EDAR: variants seen among roughly 807,000 people sequenced by gnomAD.
EDAR encodes the protein ectodysplasin A receptor, also known as tumor necrosis factor receptor superfamily member EDAR.
In EDAR, 38 loss-of-function variants were observed where a neutral mutation model predicts 51.3. The ratio of observed to expected loss-of-function variants is 0.74; its 90% CI spans 0.57 to 0.97. The LOEUF is 0.97. EDAR is among the 50% of genes least tolerant of loss of function. The pLI is 0.00. For missense variants in EDAR, 528 were observed against 595.0 expected, an observed-to-expected ratio of 0.89 and a Z score of 1.17; for synonymous variants, 227 against 242.1, an observed-to-expected ratio of 0.94 and a Z score of 0.58.
At chr2:108,909,907 C>T (rs550642148) in intron 9 of EDAR, among the ~76,000 whole-genome samples, 10 of 152,304 alleles carry the variant, frequency 6.6e-5, no homozygotes, top group East Asian at 1.9e-4. Flanking sequence ...TGACCTTGGG[C>T]GAGTGACAAC....
At chr2:108,971,002 G>A (rs1277539324) in intron 1 of EDAR, among the ~76,000 whole-genome samples, 1 of 152,168 alleles carries the variant, frequency 6.6e-6, no homozygotes, top group African/African-American at 2.4e-5. Context: ...GATTGATGCT[G>A]TGTCCTGCTG....
rs1014751473 is a variant in EDAR, at chr2:108,915,143, A to T, written c.443-2379T>A. On this transcript the variant is annotated intron_variant, in intron 5 of 11. Coordinates refer to ENST00000258443, the MANE Select transcript of EDAR (RefSeq NM_022336.4). Reference sequence around the variant, plus strand: ...GGTCTTGAACTCCTGACCTCAAGTGATCCACCTGCCTTGGCCTCCCAAAGT... The same window carrying T: ...GGTCTTGAACTCCTGACCTCAAGTGTTCCACCTGCCTTGGCCTCCCAAAGT... 7.2e-5 allele frequency among the ~76,000 whole-genome samples: 11 copies of T among 152,284 alleles called. No homozygotes were observed. The East Asian group carries it at 2.1e-3, about 30-fold the overall frequency.
intron 4 of EDAR, among the ~76,000 whole-genome samples, chr2:108,925,300 T>C (rs372183323): frequency 1.3e-5 from 2 of 152,344 alleles, no homozygotes; most frequent in African/African-American, 4.8e-5. Context: ...GATGCTGAGG[T>C]GGACAGAGGC....
intron 1 of EDAR, among the ~76,000 whole-genome samples, chr2:108,952,072 T>C (rs534106465): frequency 6.6e-6 from 1 of 152,358 alleles, no homozygotes; most frequent in African/African-American, 2.4e-5. Flanking sequence ...ATTTGTTTGT[T>C]TGACGGAAGG....
At chr2:108,922,312 A>T (rs1454361972) in intron 5 of EDAR, among the ~76,000 whole-genome samples, 1 of 152,260 alleles carries the variant, frequency 6.6e-6, no homozygotes, top group African/African-American at 2.4e-5. Flanking sequence ...GGGCCATGGC[A>T]GCTGGCTTCA....
rs781048595 is a variant in EDAR, at chr2:108,896,282, G to C, written c.*625C>G. On this transcript the variant is annotated 3_prime_UTR_variant, in exon 12 of 12. Transcript: ENST00000258443. ...AAAGTTATCCTAATGAAACCACATA[G>C]GGTATTAACAGACTTGTACTAAACC... 6.5e-6 allele frequency: 1 copy of C among 153,216 alleles called. No homozygotes were observed. Among genetic ancestry groups the C allele is most frequent in the East Asian group, 1.9e-4 (1 of 5,194 alleles). 9.5% of individuals were successfully genotyped at this position (153,216 alleles called of 1,614,324 possible). A position where few individuals can be genotyped will look rare whatever the true frequency, so the allele number is the denominator to read the frequency against.
At position 108,971,362 on chromosome 2, in the gene EDAR, A is replaced by C. The variant is rs1574412079; in HGVS notation, c.-19+17598T>G. Among the ~76,000 whole-genome samples the C allele has an allele frequency of 2.6e-5, 4 of 152,028 alleles. No homozygotes were observed. In the East Asian group the frequency reaches 7.7e-4, roughly 29 times the overall value. On this transcript the variant is annotated intron_variant, in intron 1 of 11. Coordinates refer to ENST00000258443, the MANE Select transcript of EDAR (RefSeq NM_022336.4). The stretch of plus-strand genomic sequence containing the variant: ...TGCCAAATTTCAGGCCGCACCCGAG[A>C]CCTCCAGTATCAAAATCTTCATTGT...
At chr2:108,923,775 C>T (rs577303846) in intron 4 of EDAR, among the ~76,000 whole-genome samples, 9 of 152,240 alleles carry the variant, frequency 5.9e-5, no homozygotes, top group Non-Finnish European at 1.0e-4. Context: ...TGTGCCCCCA[C>T]ATGTAGGGCC....
At chr2:108,897,678 T>A (rs1041955724) in intron 11 of EDAR, among the ~76,000 whole-genome samples, 1 of 152,176 alleles carries the variant, frequency 6.6e-6, no homozygotes, top group Non-Finnish European at 1.5e-5. Context: ...AGCCCCAGAT[T>A]GGGGTTATCT....
chr2:108,956,389 G>A (rs968055707), intron 1 of EDAR, among the ~76,000 whole-genome samples: 7 of 152,186 alleles, frequency 4.6e-5, no homozygotes, highest in African/African-American at 1.7e-4. Flanking sequence ...TTTCAGGTAG[G>A]AACTCCATTT....
chr2:108,948,062 G>A (rs1333419314), intron 1 of EDAR, among the ~76,000 whole-genome samples: 2 of 152,208 alleles, frequency 1.3e-5, no homozygotes, highest in Non-Finnish European at 2.9e-5. Context: ...CATCTTGAAT[G>A]CTTTGCTATA....
chr2:108,930,856 G>GGA, intron 2 of EDAR, 108 bp downstream of exon 2: 1 of 1,223,460 alleles, frequency 8.2e-7, no homozygotes, highest in Non-Finnish European at 1.2e-6. Flanking sequence ...ACCCTGTGGA[G>GGA]GAGGGACTAT....
At chr2:108,924,656 C>A (rs980232536) in intron 4 of EDAR, among the ~76,000 whole-genome samples, 1 of 152,162 alleles carries the variant, frequency 6.6e-6, no homozygotes, top group Non-Finnish European at 1.5e-5. Context: ...TGGACTGTTA[C>A]CAGTAATGTT....
intron 11 of EDAR, among the ~76,000 whole-genome samples, chr2:108,906,055 G>C (rs971410183): frequency 9.5e-5 from 14 of 147,364 alleles, no homozygotes; most frequent in Non-Finnish European, 1.5e-4. Flanking sequence ...TACAGTGGGT[G>C]CCTGCACCAG....
chr2:108,969,530 C>T (rs745828435), intron 1 of EDAR, among the ~76,000 whole-genome samples: 2 of 152,222 alleles, frequency 1.3e-5, no homozygotes, highest in African/African-American at 2.4e-5. Context: ...TGAAGCAGAC[C>T]TTTATATGCT....
rs563141474 is a variant in EDAR, at chr2:108,956,477, C to T, written c.-18-25445G>A. Among the ~76,000 whole-genome samples the T allele has an allele frequency of 2.2e-4, 33 of 152,306 alleles. No homozygotes were observed. In the East Asian group the frequency reaches 5.0e-3, roughly 23 times the overall value. ...CTAGCACTGCACCAAGAGTCTCTCA[C>T]GTCAGCAGGTTCTGATGTTTATCAG... is the stretch of plus-strand genomic sequence containing the variant. On this transcript the variant is annotated intron_variant, in intron 1 of 11. Transcript: ENST00000258443.
At chr2:108,932,124 G>A (rs1257104372) in intron 1 of EDAR, among the ~76,000 whole-genome samples, 1 of 152,178 alleles carries the variant, frequency 6.6e-6, no homozygotes, top group Non-Finnish European at 1.5e-5. Flanking sequence ...CATATGCCAT[G>A]ATGCACAGGA....
At chr2:108,974,056 G>A (rs1217329811) in intron 1 of EDAR, among the ~76,000 whole-genome samples, 3 of 151,948 alleles carry the variant, frequency 2.0e-5, no homozygotes, top group Non-Finnish European at 4.4e-5. Context: ...TTGGTCAGGC[G>A]CGGTGGCTCA....
Position 108,965,750 on chromosome 2 carries a change from G to C in EDAR, c.-19+23210C>G, listed in dbSNP as rs143832823. Among the ~76,000 whole-genome samples the C allele has an allele frequency of 1.6e-3, 245 of 152,190 alleles. 2 individuals are homozygous for C. Among genetic ancestry groups the C allele is most frequent in the African/African-American group, 5.6e-3 (234 of 41,522 alleles). On this transcript the variant is annotated intron_variant, in intron 1 of 11. Transcript: ENST00000258443. ...GAGAGGTGTGACTGCTCTGTGCATT[G>C]ATGTGGTGGTGGGGGGCTGGGGTTT...
Sources: allele counts gnomAD v4.1 joint callset (sites outside exome capture counted in the v4.1 genomes callset), GRCh38; gene constraint gnomAD v4.1.1; transcripts MANE v1.5; gene names NCBI Gene and HGNC (gene_info 2026-07-23, HGNC 2026-07-21).